The following ELOVL6 variants were observed in gnomAD, a reference collection of about 807,000 sequenced individuals.
ELOVL6 encodes ELOVL fatty acid elongase 6.
Under a neutral mutation model 31.7 loss-of-function variants are expected in ELOVL6, and 8 were observed. The observed-to-expected ratio is 0.25, with a 90% CI of 0.15 to 0.45. The LOEUF (loss-of-function observed/expected upper bound fraction) is 0.45, where lower values mean the gene tolerates loss of function less well. Ranked by LOEUF, ELOVL6 falls within the 20% of genes least tolerant of loss-of-function variation. ELOVL6 has a pLI of 1.00. For missense variants in ELOVL6, 126 were observed against 326.4 expected (o/e 0.39, Z 4.73); for synonymous variants, 101 against 117.7 (o/e 0.86, Z 0.92).
intron 1 of ELOVL6, among the ~76,000 whole-genome samples, chr4:110,151,218 T>C (rs911705428): frequency 6.9e-6 from 1 of 144,174 alleles, no homozygotes; most frequent in African/African-American, 2.5e-5. Context: ...AGATTTCAGA[T>C]TTTTTTTTTT....
intron 2 of ELOVL6, among the ~76,000 whole-genome samples, chr4:110,091,902 T>A (rs1214035841): frequency 6.6e-6 from 1 of 152,212 alleles, no homozygotes; most frequent in Non-Finnish European, 1.5e-5. Context: ...TTTAATTACA[T>A]AGATTTGATT....
intron 3 of ELOVL6, among the ~76,000 whole-genome samples, chr4:110,057,005 A>G (rs1755005321): frequency 6.6e-6 from 1 of 152,226 alleles, no homozygotes; most frequent in Non-Finnish European, 1.5e-5. Context: ...GGTCTTCTCT[A>G]GGAATCCTAA....
chr4:110,188,917 T>C (rs1202887133), intron 1 of ELOVL6, among the ~76,000 whole-genome samples: 2 of 150,552 alleles, frequency 1.3e-5, no homozygotes, highest in African/African-American at 2.4e-5. Flanking sequence ...TAAAACATTA[T>C]AAAAGGATGC....
At chr4:110,161,446 G>A (rs1758628971) in intron 1 of ELOVL6, among the ~76,000 whole-genome samples, 1 of 152,160 alleles carries the variant, frequency 6.6e-6, no homozygotes, top group African/African-American at 2.4e-5. Context: ...CATGCACAGA[G>A]GGATGAAAAA....
intron 2 of ELOVL6, among the ~76,000 whole-genome samples, chr4:110,085,247 A>T (rs565031137): frequency 3.9e-5 from 6 of 152,212 alleles, no homozygotes; most frequent in Non-Finnish European, 8.8e-5. Flanking sequence ...GAGGGATGAG[A>T]GGCTGCTTCT....
At chr4:110,168,363 G>A (rs963629583) in intron 1 of ELOVL6, among the ~76,000 whole-genome samples, 5 of 151,900 alleles carry the variant, frequency 3.3e-5, no homozygotes, top group African/African-American at 1.2e-4. Context: ...AAAAAAATAT[G>A]CAAAAGTTAG....
intron 1 of ELOVL6, among the ~76,000 whole-genome samples, chr4:110,185,844 G>C (rs1407635444): frequency 6.6e-6 from 1 of 152,128 alleles, no homozygotes; most frequent in African/African-American, 2.4e-5. Context: ...TGGACTGAAA[G>C]GGGCTTCCTG....
intron 1 of ELOVL6, among the ~76,000 whole-genome samples, chr4:110,109,957 G>T (rs1578487042): frequency 6.6e-6 from 1 of 152,282 alleles, no homozygotes; most frequent in East Asian, 1.9e-4. Context: ...AAAGCAGTGA[G>T]GGGAAAAAAT....
intron 2 of ELOVL6, among the ~76,000 whole-genome samples, chr4:110,079,426 A>G (rs1755762395): frequency 6.6e-6 from 1 of 152,166 alleles, no homozygotes; most frequent in African/African-American, 2.4e-5. Context: ...AGAACTCAGG[A>G]TTAAGAAACT....
At chr4:110,145,055 C>T (rs1758069083) in intron 1 of ELOVL6, among the ~76,000 whole-genome samples, 2 of 151,770 alleles carry the variant, frequency 1.3e-5, no homozygotes, top group Admixed American at 1.3e-4. Context: ...AGCACACAGA[C>T]CAGCTGGAGG....
intron 1 of ELOVL6, among the ~76,000 whole-genome samples, chr4:110,170,149 A>T (rs1181530506): frequency 6.6e-6 from 1 of 152,124 alleles, no homozygotes; most frequent in Non-Finnish European, 1.5e-5. Context: ...AGATTTATAA[A>T]TTTTTTAAAT....
intron 1 of ELOVL6, among the ~76,000 whole-genome samples, chr4:110,163,187 T>C (rs1217224397): frequency 6.6e-6 from 1 of 152,190 alleles, no homozygotes; most frequent in Non-Finnish European, 1.5e-5. Flanking sequence ...GAGGGGGCTT[T>C]GTATTTGTTG....
Position 110,084,135 on chromosome 4 carries a change from A to ATATGATATATATAACATATATG in ELOVL6, c.221+21361_221+21362insCATATATGTTATATATATCATA, listed in dbSNP as rs1553955997. ...TGATATATATAACATATATGTGATA[A>ATATGATATATATAACATATATG]TGATATATATGATATATATAACATA... is the stretch of plus-strand genomic sequence containing the variant. On this transcript the variant is annotated intron_variant, in intron 2 of 3. Transcript: ENST00000302274. Among the ~76,000 whole-genome samples, 79 of 35,284 alleles carry ATATGATATATATAACATATATG rather than the reference A, an allele frequency of 2.2e-3. 6 individuals are homozygous for ATATGATATATATAACATATATG. The highest frequency in any genetic ancestry group is 0.016 in the African/African-American group (67 of 4,098). 23.1% of individuals were successfully genotyped at this position (35,284 alleles called of 152,430 possible).
intron 2 of ELOVL6, among the ~76,000 whole-genome samples, chr4:110,090,600 C>CTTTTTTGTTCTTTTTTT (rs1553956743): frequency 1.8e-4 from 19 of 103,720 alleles, no homozygotes; most frequent in Non-Finnish European, 3.1e-4. Context: ...GTTTGACTTT[C>CTTTTTTGTTCTTTTTTT]TTTTTTTTTT....
chr4:110,089,311 G>A (rs145449956), intron 2 of ELOVL6, among the ~76,000 whole-genome samples: 61 of 152,184 alleles, frequency 4.0e-4, no homozygotes, highest in Middle Eastern at 6.8e-3. Context: ...TGAACCACTC[G>A]GGCCCACTTG....
intron 2 of ELOVL6, among the ~76,000 whole-genome samples, chr4:110,099,194 A>G (rs552415324): frequency 3.6e-4 from 55 of 152,260 alleles, no homozygotes; most frequent in African/African-American, 1.2e-3. Context: ...TTTGTTTATG[A>G]TATCAGTGGG....
chr4:110,117,674 G>A (rs1283939327), intron 1 of ELOVL6: 1 of 150,522 alleles, frequency 6.6e-6, no homozygotes, highest in East Asian at 2.0e-4. Context: ...ACGAGGTCAG[G>A]AGATCGAGAA....
Position 110,077,722 on chromosome 4 carries a change from G to C in ELOVL6, c.222-17968C>G, listed in dbSNP as rs185840805. 3.2e-3 allele frequency among the ~76,000 whole-genome samples: 485 copies of C among 152,284 alleles called. 2 individuals are homozygous for C. The highest frequency in any genetic ancestry group is 0.011 in the African/African-American group (473 of 41,540). Reference sequence around the variant, plus strand: ...GGAACGCAACTCCTCACCAGCAATGGAACAAAGCTGGACGGACAATGACTT... The same window carrying C: ...GGAACGCAACTCCTCACCAGCAATGCAACAAAGCTGGACGGACAATGACTT... On this transcript the variant is annotated intron_variant, in intron 2 of 3. Transcript: ENST00000302274.
chr4:110,111,322 G>A (rs960747990), intron 1 of ELOVL6, among the ~76,000 whole-genome samples: 5 of 150,430 alleles, frequency 3.3e-5, no homozygotes, highest in East Asian at 2.0e-4. Flanking sequence ...TACTTAAATC[G>A]GCAGGTTATC....
Sources: allele counts gnomAD v4.1 joint callset (sites outside exome capture counted in the v4.1 genomes callset), GRCh38; gene constraint gnomAD v4.1.1; transcripts MANE v1.5; gene names NCBI Gene and HGNC (gene_info 2026-07-23, HGNC 2026-07-21).